The following EXD3 variants were observed in gnomAD, a reference collection of about 807,000 sequenced individuals.
The protein encoded by EXD3 is exonuclease mut-7 homolog.
A neutral mutation model predicts 98.0 loss-of-function variants in EXD3; 92 were observed. That is an observed-to-expected ratio of 0.94 (90% CI 0.79 to 1.12). The LOEUF (loss-of-function observed/expected upper bound fraction) is 1.12, where lower values mean the gene tolerates loss of function less well. Ranked by LOEUF, EXD3 falls within the 50% of genes most tolerant of loss-of-function variation. The pLI, the probability that EXD3 is intolerant of heterozygous loss-of-function variation, is 0.00. For missense variants in EXD3, 1,222 were observed against 1,191.6 expected, an observed-to-expected ratio of 1.03 and a Z score of -0.38; for synonymous variants, 569 against 526.0, an observed-to-expected ratio of 1.08 and a Z score of -1.12.
At chr9:137,382,268 C>G (rs191462073) in intron 3 of EXD3, among the ~76,000 whole-genome samples, 7 of 150,156 alleles carry the variant, frequency 4.7e-5, no homozygotes, top group Non-Finnish European at 8.9e-5. Flanking sequence ...CAGCGGAGCC[C>G]GGAGCAGATC....
At chr9:137,384,404 G>C (rs765797151) in intron 2 of EXD3, among the ~76,000 whole-genome samples, 1 of 152,260 alleles carries the variant, frequency 6.6e-6, no homozygotes, top group Non-Finnish European at 1.5e-5. Flanking sequence ...TAGACACAGA[G>C]CAAGTGTTCT....
intron 17 of EXD3, among the ~76,000 whole-genome samples, chr9:137,346,322 T>C (rs977060205): frequency 8.1e-5 from 12 of 148,822 alleles, no homozygotes; most frequent in Admixed American, 2.0e-4. Context: ...AAAAACTATA[T>C]GGGTAAGATT....
chr9:137,338,289 C>T (rs557445717), intron 17 of EXD3, among the ~76,000 whole-genome samples: 5 of 152,180 alleles, frequency 3.3e-5, no homozygotes, highest in South Asian at 2.1e-4. Flanking sequence ...TTCTAAAGAA[C>T]GAAGTCAAAT....
Position 137,334,616 on chromosome 9 carries a change from G to T in EXD3, c.1999-10473C>A, listed in dbSNP as rs188275546. On this transcript the variant is annotated intron_variant, in intron 17 of 21. Transcript: ENST00000340951. ...GATGAAAGACTTAGATGTAAGACTC[G>T]AACCATAAACATTCTAGAAGGAAAT... Among the ~76,000 whole-genome samples, 1,459 of 152,190 alleles carry T rather than the reference G, an allele frequency of 9.6e-3. 18 individuals carry two copies. The highest frequency in any genetic ancestry group is 0.033 in the African/African-American group (1,367 of 41,512).
Position 137,314,176 on chromosome 9 carries a change from A to G in EXD3, c.2185-4476T>C, listed in dbSNP as rs575973382. ...GCGGCCCAGGAAGAAGCAATCAGGC[A>G]CCAACCTGCCCGCCGAGGCCTGGGT... On this transcript the variant is annotated intron_variant, in intron 19 of 21. Transcript: ENST00000340951. Among the ~76,000 whole-genome samples, 45 of 152,284 alleles carry G rather than the reference A, an allele frequency of 3.0e-4. 1 individual carries two copies. The Middle Eastern group carries it at 0.01, about 35-fold the overall frequency.
intron 19 of EXD3, among the ~76,000 whole-genome samples, chr9:137,316,547 C>A (rs1184198174): frequency 1.3e-5 from 2 of 152,218 alleles, no homozygotes; most frequent in Admixed American, 6.5e-5. Flanking sequence ...CCGACCCTCG[C>A]AGCTCCCAGT....
intron 17 of EXD3, among the ~76,000 whole-genome samples, chr9:137,328,698 AGGGTCACACG>A (rs1564477686): frequency 1.1e-3 from 4 of 3,620 alleles, no homozygotes; most frequent in African/African-American, 8.8e-3. Context: ...GGGACTACAC[AGGGTCACACG>A]GGACTACACG....
At chr9:137,387,216 C>A (rs1480272823) in intron 2 of EXD3, among the ~76,000 whole-genome samples, 5 of 151,974 alleles carry the variant, frequency 3.3e-5, no homozygotes, top group African/African-American at 1.2e-4. Flanking sequence ...TTCACTGTGG[C>A]CTCAACGCTG....
rs1370556127 is a variant in EXD3, at chr9:137,373,049, C to A, written c.318G>T (p.Leu106=). The A allele has an allele frequency of 1.3e-6, 2 of 1,590,632 alleles. No individual in the cohort carries two copies. Among genetic ancestry groups the A allele is most frequent in the Non-Finnish European group, 1.7e-6 (2 of 1,171,240 alleles). The change falls in exon 5 of 22, where the codon CTG becomes CTT. Residue 106 remains leucine (L), a synonymous_variant. Transcript: ENST00000340951. Reference sequence around the variant, plus strand: ...TGAGGACTTTGACCGCTCGGGCCTGCAGCTGCTTCAGCCTCAGGCTGTGCT... The same window carrying A: ...TGAGGACTTTGACCGCTCGGGCCTGAAGCTGCTTCAGCCTCAGGCTGTGCT... The part of the protein sequence containing the change: ...LAQHSLRLKQ[L]QARAVKVLTE...
chr9:137,369,280 C>A (rs1835466212), intron 5 of EXD3, among the ~76,000 whole-genome samples: 1 of 152,156 alleles, frequency 6.6e-6, no homozygotes, highest in African/African-American at 2.4e-5. Flanking sequence ...CACATGGGGA[C>A]CACCCCAGCA....
At chr9:137,391,552 G>C (rs888428717) in intron 2 of EXD3, among the ~76,000 whole-genome samples, 4 of 151,912 alleles carry the variant, frequency 2.6e-5, no homozygotes, top group Non-Finnish European at 5.9e-5. Context: ...ATCTGCCAGA[G>C]GGCCGGCCTC....
intron 3 of EXD3, among the ~76,000 whole-genome samples, chr9:137,378,252 AGGCTGGAG>A (rs1431310540): frequency 3.3e-5 from 5 of 151,974 alleles, no homozygotes; most frequent in Non-Finnish European, 5.9e-5. Flanking sequence ...TCTGTCGTCC[AGGCTGGAG>A]TGCAGTGGCA....
At chr9:137,321,627 G>A (rs1832035934) in intron 19 of EXD3, among the ~76,000 whole-genome samples, 1 of 152,180 alleles carries the variant, frequency 6.6e-6, no homozygotes, top group Admixed American at 6.5e-5. Flanking sequence ...AGGCTGCAGT[G>A]AGCTGAGATT....
intron 17 of EXD3, among the ~76,000 whole-genome samples, chr9:137,345,449 G>A (rs1342827710): frequency 6.6e-6 from 1 of 152,116 alleles, no homozygotes; most frequent in Non-Finnish European, 1.5e-5. Flanking sequence ...ATCACCTGAG[G>A]TCAGGAATTC....
chr9:137,356,238 G>C, intron 8 of EXD3, 30 bp downstream of exon 8: 4 of 1,528,364 alleles, frequency 2.6e-6, no homozygotes, highest in Non-Finnish European at 3.6e-6. Flanking sequence ...TCCCTGGCCT[G>C]TGGGGCAGGA....
chr9:137,417,303 G>A (rs528913046), intron 1 of EXD3, among the ~76,000 whole-genome samples: 1 of 152,312 alleles, frequency 6.6e-6, no homozygotes, highest in South Asian at 2.1e-4. Context: ...GAAAGGCGGC[G>A]GGTGGTGAGC....
chr9:137,375,037 C>T (rs57538690), intron 3 of EXD3, among the ~76,000 whole-genome samples: 27,185 of 150,880 alleles, frequency 0.18, 3,737 homozygotes, highest in African/African-American at 0.39. Flanking sequence ...GAGACGGAGT[C>T]TCGCTCTGTC....
At chr9:137,329,930 C>G (rs1365933667) in intron 17 of EXD3, among the ~76,000 whole-genome samples, 1 of 104,510 alleles carries the variant, frequency 9.6e-6, no homozygotes, top group Non-Finnish European at 1.9e-5. Context: ...CTACACAGGA[C>G]TACACAGGAC....
intron 1 of EXD3, among the ~76,000 whole-genome samples, chr9:137,420,979 T>G (rs1297650855): frequency 6.6e-6 from 1 of 152,150 alleles, no homozygotes; most frequent in Admixed American, 6.6e-5. Context: ...TATGCCCAGG[T>G]AATTTTTAAA....
Sources: allele counts gnomAD v4.1 joint callset (sites outside exome capture counted in the v4.1 genomes callset), GRCh38; gene constraint gnomAD v4.1.1; transcripts MANE v1.5; gene names NCBI Gene and HGNC (gene_info 2026-07-23, HGNC 2026-07-21).